Variants in SOX5 observed in about 807,000 individuals in gnomAD.
SOX5 encodes the protein SRY-box transcription factor 5.
SOX5 carries 9 observed loss-of-function variants against 92.0 expected under a neutral mutation model. The observed-to-expected ratio is 0.10, with a 90% CI of 0.06 to 0.17. The LOEUF (loss-of-function observed/expected upper bound fraction) is 0.17, where lower values mean the gene tolerates loss of function less well. SOX5 is among the 10% of genes least tolerant of loss of function. The probability of loss-of-function intolerance (pLI) is 1.00; values close to 1 mark genes in which losing one functional copy is unlikely to be tolerated. For synonymous variants in SOX5, 344 were observed against 336.3 expected (o/e 1.02, Z -0.25); for missense variants, 642 against 944.5 (o/e 0.68, Z 4.20).
chr12:23,802,930 T>C (rs1387670218), intron 3 of SOX5, among the ~76,000 whole-genome samples: 2 of 152,200 alleles, frequency 1.3e-5, no homozygotes, highest in South Asian at 2.1e-4. Context: ...TTGTTAAGCA[T>C]TGCTACTCCC....
intron 4 of SOX5, among the ~76,000 whole-genome samples, chr12:23,961,171 T>C (rs191011180): frequency 2.0e-5 from 3 of 152,316 alleles, no homozygotes; most frequent in Admixed American, 2.0e-4. Flanking sequence ...AAAATTCTCA[T>C]TTCTAATGAT....
rs1329801953 is a variant in SOX5 at position 23,543,336 on chromosome 12, C to T, written c.1646G>A (p.Arg549His). 1.4e-5 allele frequency: 22 copies of T among 1,613,718 alleles called. No homozygotes were observed. The highest frequency in any genetic ancestry group is 1.3e-5 in the Non-Finnish European group (15 of 1,179,786). ...CTTTATGTGGGGTTCATTGCTACCACGCCCTCGGGATTCCCTATAAATTCT... is the reference window on the plus strand; with the variant it reads ...CTTTATGTGGGGTTCATTGCTACCATGCCCTCGGGATTCCCTATAAATTCT... Reference protein sequence around the residue: ...ESRIYRESRGRGSNEPHIKRP... With the variant: ...ESRIYRESRGHGSNEPHIKRP... The change falls in exon 13 of 15, where the codon CGT becomes CAT. Residue 549 changes from arginine to histidine, a missense_variant. Around this residue, in one of 8 missense-constraint regions of SOX5, gnomAD observed 24 missense variants for 84.4 expected, o/e 0.28. Coordinates refer to ENST00000451604, the MANE Select transcript of SOX5 (RefSeq NM_006940.6).
intron 4 of SOX5, among the ~76,000 whole-genome samples, chr12:24,001,391 C>A (rs922392903): frequency 6.6e-6 from 1 of 151,810 alleles, no homozygotes; most frequent in African/African-American, 2.4e-5. Context: ...CAAAACCAGC[C>A]TAAATTAGAT....
chr12:23,976,133 T>C (rs1435248126), intron 4 of SOX5, among the ~76,000 whole-genome samples: 2 of 151,998 alleles, frequency 1.3e-5, no homozygotes, highest in Non-Finnish European at 2.9e-5. Flanking sequence ...TTCCATCAGA[T>C]TGTAGAACTT....
chr12:23,796,645 G>A (rs544996276), intron 3 of SOX5, among the ~76,000 whole-genome samples: 71 of 151,818 alleles, frequency 4.7e-4, no homozygotes, highest in African/African-American at 1.7e-3. Flanking sequence ...TCTAAACTGT[G>A]TCTCCTAAAT....
At chr12:24,168,092 C>T (rs1231179987) in intron 4 of SOX5, among the ~76,000 whole-genome samples, 1 of 152,204 alleles carries the variant, frequency 6.6e-6, no homozygotes, top group Non-Finnish European at 1.5e-5. Context: ...TTTCTGTTTT[C>T]TGGTATCATT....
intron 4 of SOX5, among the ~76,000 whole-genome samples, chr12:24,008,952 C>G (rs935290712): frequency 6.6e-6 from 1 of 152,180 alleles, no homozygotes; most frequent in African/African-American, 2.4e-5. Context: ...CAGCTTTTAC[C>G]AATGTCTTCT....
chr12:23,655,100 C>G (rs1170634950), intron 7 of SOX5, among the ~76,000 whole-genome samples: 1 of 151,964 alleles, frequency 6.6e-6, no homozygotes. Context: ...TTAAGAAACA[C>G]CTCTCAGAAT....
chr12:24,529,033 T>C (rs1950948912), intron 1 of SOX5, among the ~76,000 whole-genome samples: 1 of 152,172 alleles, frequency 6.6e-6, no homozygotes, highest in Admixed American at 6.5e-5. Flanking sequence ...CACTGTGTCC[T>C]TGATAAGCTA....
chr12:23,604,341 A>G (rs1208983153), intron 9 of SOX5, 46 bp downstream of exon 9: 1 of 1,603,622 alleles, frequency 6.2e-7, no homozygotes, highest in Non-Finnish European at 8.5e-7. Context: ...CCATTGAATG[A>G]AAAATAAAGC....
intron 2 of SOX5, among the ~76,000 whole-genome samples, chr12:24,359,649 A>T (rs1955292978): frequency 6.6e-6 from 1 of 152,210 alleles, no homozygotes; most frequent in African/African-American, 2.4e-5. Context: ...GGTTTTAAGA[A>T]GTCAACAGAA....
At chr12:23,853,319 G>C (rs975827548) in intron 2 of SOX5, among the ~76,000 whole-genome samples, 1 of 151,322 alleles carries the variant, frequency 6.6e-6, no homozygotes, top group Non-Finnish European at 1.5e-5. Context: ...CCAACATTTA[G>C]TTTAAATTTA....
At chr12:23,775,302 A>T (rs1207718975) in intron 3 of SOX5, among the ~76,000 whole-genome samples, 1 of 152,208 alleles carries the variant, frequency 6.6e-6, no homozygotes, top group Non-Finnish European at 1.5e-5. Flanking sequence ...CTTAATAGGT[A>T]GGTAACATTA....
intron 6 of SOX5, among the ~76,000 whole-genome samples, chr12:23,689,536 A>G (rs1289562841): frequency 6.6e-6 from 1 of 152,076 alleles, no homozygotes; most frequent in Non-Finnish European, 1.5e-5. Flanking sequence ...TAATCTCTGG[A>G]GTTCTGATCA....
chr12:23,791,960 A>G (rs1308579425), intron 3 of SOX5, among the ~76,000 whole-genome samples: 4 of 152,010 alleles, frequency 2.6e-5, no homozygotes, highest in African/African-American at 4.8e-5. Flanking sequence ...AGCAAAAATT[A>G]GTAGGGGATA....
chr12:23,893,272 CCT>C (rs560254987), intron 2 of SOX5, among the ~76,000 whole-genome samples: 5 of 151,998 alleles, frequency 3.3e-5, no homozygotes, highest in Non-Finnish European at 7.4e-5. Context: ...ATGGTGAAAC[CCT>C]GTCTCTATTA....
intron 3 of SOX5, among the ~76,000 whole-genome samples, chr12:24,275,957 T>G (rs911934012): frequency 2.6e-5 from 4 of 152,142 alleles, no homozygotes; most frequent in Non-Finnish European, 5.9e-5. Context: ...ATTAGTTATA[T>G]TCCTTATTAA....
intron 3 of SOX5, among the ~76,000 whole-genome samples, chr12:23,779,846 T>A: frequency 7.1e-6 from 1 of 140,348 alleles, no homozygotes; most frequent in East Asian, 2.2e-4. Context: ...CACATATGCA[T>A]ACATACACAT....
At chr12:23,860,143 T>G (rs957985774) in intron 2 of SOX5, among the ~76,000 whole-genome samples, 1 of 152,084 alleles carries the variant, frequency 6.6e-6, no homozygotes, top group Non-Finnish European at 1.5e-5. Context: ...TGAGGTCTTC[T>G]TGGGGGGAAA....
Sources: allele counts gnomAD v4.1 joint callset (sites outside exome capture counted in the v4.1 genomes callset), GRCh38; gene constraint gnomAD v4.1.1; regional missense constraint gnomAD v4.1.1; transcripts MANE v1.5; gene names NCBI Gene and HGNC (gene_info 2026-07-23, HGNC 2026-07-21).